The following ATXN1L variants were observed in gnomAD, a reference collection of about 807,000 sequenced individuals.
The protein encoded by ATXN1L is ataxin-1-like.
Under a neutral mutation model 43.4 loss-of-function variants are expected in ATXN1L, and 8 were observed. The observed-to-expected ratio is 0.18, with a 90% CI of 0.11 to 0.33. The LOEUF (loss-of-function observed/expected upper bound fraction) is 0.33. Ranked by LOEUF, ATXN1L falls within the 10% of genes least tolerant of loss-of-function variation. The pLI, the probability that ATXN1L is intolerant of heterozygous loss-of-function variation, is 1.00. For synonymous variants in ATXN1L, 379 were observed against 360.6 expected, an observed-to-expected ratio of 1.05 and a Z score of -0.58; for missense variants, 856 against 885.4, an observed-to-expected ratio of 0.97 and a Z score of 0.42.
chr16:71,850,724 G>A lies in ATXN1L; in HGVS notation c.984G>A (p.Arg328=). 1 of 1,551,674 alleles carries A rather than the reference G, an allele frequency of 6.4e-7. No individual in the cohort carries two copies. Among genetic ancestry groups the A allele is most frequent in the Non-Finnish European group, 8.7e-7 (1 of 1,146,988 alleles). ...TAGAGGTAGCAGCACCAGCACACCG[G>A]GGGACCCCGGACACTGACCTTGAGG... The part of the protein sequence containing the change: ...PRVEVAAPAH[R]GTPDTDLEVQ... Residue 328 remains arginine (R), a synonymous_variant, in exon 3 of 3, where the codon CGG becomes CGA. Transcript: ENST00000427980.
chr16:71,857,282 A>AATATCTAT lies in ATXN1L; in HGVS notation c.*5489_*5496dup, dbSNP rs528380363. The AATATCTAT allele has an allele frequency of 3.1e-5, 5 of 160,740 alleles. No homozygotes were observed. The highest frequency in any genetic ancestry group is 4.8e-5 in the African/African-American group (2 of 41,458). 10.0% of individuals were successfully genotyped at this position (160,740 alleles called of 1,614,324 possible). On this transcript the variant is annotated 3_prime_UTR_variant, in exon 3 of 3. Transcript: ENST00000427980. ...GGACTATGTAAACACAATATCTATC[A>AATATCTAT]ATATCTATATATCTATATATCTATC...
rs539567030 is a variant in ATXN1L at position 71,851,861 on chromosome 16, C to T, written c.*51C>T. On this transcript the variant is annotated 3_prime_UTR_variant, in exon 3 of 3. Coordinates refer to ENST00000427980, the MANE Select transcript of ATXN1L (RefSeq NM_001137675.4). This position sits in a 1 kb window ranked among gnomAD's most constrained non-coding sequence, Gnocchi z 4.9. The stretch of plus-strand genomic sequence containing the variant: ...GCTTTACCCCAGAGCCTCGCCTCGC[C>T]GCCGTGAGCAGGCAGAGGATTTGCA... 509 of 1,372,758 alleles carry T rather than the reference C, an allele frequency of 3.7e-4. No individual in the cohort carries two copies. In the South Asian group the frequency reaches 3.8e-3, roughly 10 times the overall value. 85.0% of individuals were successfully genotyped at this position (1,372,758 alleles called of 1,614,324 possible). A position where few individuals can be genotyped will look rare whatever the true frequency, so the allele number is the denominator to read the frequency against.
Position 71,854,498 on chromosome 16 carries a change from G to C in ATXN1L, c.*2688G>C, listed in dbSNP as rs1041599100. The C allele has an allele frequency of 2.4e-5, 4 of 167,018 alleles. No homozygotes were observed. Among genetic ancestry groups the C allele is most frequent in the African/African-American group, 9.7e-5 (4 of 41,430 alleles). 10.3% of individuals were successfully genotyped at this position (167,018 alleles called of 1,614,324 possible). On this transcript the variant is annotated 3_prime_UTR_variant, in exon 3 of 3. Coordinates refer to ENST00000427980, the MANE Select transcript of ATXN1L (RefSeq NM_001137675.4). ...TCATAAAATATGGTCCCCAGGAAAA[G>C]AATCTCTGTGCTCTAAATCTCGGTC... is the stretch of plus-strand genomic sequence containing the variant.
Position 71,850,397 on chromosome 16 carries a change from G to A in ATXN1L, c.657G>A (p.Pro219=), listed in dbSNP as rs1295527621. 5.8e-6 allele frequency: 9 copies of A among 1,551,632 alleles called. No individual in the cohort carries two copies. Among genetic ancestry groups the A allele is most frequent in the Admixed American group, 3.9e-5 (2 of 50,996 alleles). The stretch of plus-strand genomic sequence containing the variant: ...TGCCACATCATTCAAGTACTCAGCC[G>A]CTGGACCTTGCTCCAGGTCGGATGC... ...GQLPHHSSTQ[P]LDLAPGRMPI... is the part of the protein sequence containing the mutation. The change falls in exon 3 of 3, where the codon CCG becomes CCA. Residue 219 remains proline, a synonymous_variant. Coordinates refer to ENST00000427980, the MANE Select transcript of ATXN1L (RefSeq NM_001137675.4).
chr16:71,848,955 C>A (rs1597109920), intron 2 of ATXN1L, among the ~76,000 whole-genome samples: 2 of 152,096 alleles, frequency 1.3e-5, no homozygotes, highest in South Asian at 4.2e-4. Context: ...TGGCTCACAC[C>A]CGTAATCCCA....
Position 71,851,343 on chromosome 16 carries a change from G to A in ATXN1L, c.1603G>A (p.Val535Met). 6.4e-7 allele frequency: 1 copy of A among 1,551,696 alleles called. No homozygotes were observed. Among genetic ancestry groups the A allele is most frequent in the Non-Finnish European group, 8.7e-7 (1 of 1,146,988 alleles). The change falls in exon 3 of 3, where the codon GTG (valine) becomes ATG (methionine). Residue 535 changes from valine to methionine, a missense_variant. Val to Met is a conservative substitution (Grantham distance 21). Transcript: ENST00000427980. The surrounding 1 kb of genome is among the most constrained non-coding windows in gnomAD (Gnocchi z 4.9). ...HFVVGEQQSKVSIEVPPEHPF... is the reference protein window; with the variant it reads ...HFVVGEQQSKMSIEVPPEHPF... Reference sequence around the variant, plus strand: ...TGTGGTTGGTGAGCAGCAGAGCAAAGTGAGCATCGAAGTGCCCCCCGAGCA... The same window carrying A: ...TGTGGTTGGTGAGCAGCAGAGCAAAATGAGCATCGAAGTGCCCCCCGAGCA...
intron 2 of ATXN1L, 63 bp downstream of exon 2, chr16:71,848,134 C>T: frequency 4.4e-6 from 2 of 452,840 alleles, no homozygotes; most frequent in Non-Finnish European, 8.8e-6. Flanking sequence ...AGTGGAAAAA[C>T]AGAACAGAAT....
rs553586684 is a variant in ATXN1L, at chr16:71,849,723, G to A, written c.-18G>A. The A allele has an allele frequency of 5.2e-5, 76 of 1,474,492 alleles. No individual in the cohort carries two copies. In the African/African-American group the frequency reaches 9.0e-4, roughly 18 times the overall value. 91.3% of individuals were successfully genotyped at this position (1,474,492 alleles called of 1,614,324 possible). A position where few individuals can be genotyped will look rare whatever the true frequency, so the allele number is the denominator to read the frequency against. Reference sequence around the variant, plus strand: ...GCAAGTCGACTCCTTCCAGGCTCCAGGAACACCACAAAGCAATATGAAACC... The same window carrying A: ...GCAAGTCGACTCCTTCCAGGCTCCAAGAACACCACAAAGCAATATGAAACC... On this transcript the variant is annotated 5_prime_UTR_variant, in exon 3 of 3. Coordinates refer to ENST00000427980, the MANE Select transcript of ATXN1L (RefSeq NM_001137675.4).
In ATXN1L at chr16:71,847,584, A is replaced by G. The variant is rs1036570965; in HGVS notation, c.-179-426A>G. Among the ~76,000 whole-genome samples, 5 of 152,066 alleles carry G rather than the reference A, an allele frequency of 3.3e-5. No homozygotes were observed. In the South Asian group the frequency reaches 8.3e-4, roughly 25 times the overall value. ...TAAATAACTCCACATTTATGTTTTC[A>G]TAGGCCCAGAATAAAGGGGAAATCC... On this transcript the variant is annotated intron_variant, in intron 1 of 2. Coordinates refer to ENST00000427980, the MANE Select transcript of ATXN1L (RefSeq NM_001137675.4).
At position 71,856,374 on chromosome 16, in the gene ATXN1L, C is replaced by G. The variant is rs1366030399; in HGVS notation, c.*4564C>G. 6.0e-6 allele frequency: 1 copy of G among 167,116 alleles called. No homozygotes were observed. The allele number at this position is 167,116 out of a possible 1,614,324, so 10.4% of individuals were successfully genotyped here. ...GTGTGTGTGGCAGCAGCCCATGTGC[C>G]TTTACCTGTTGTCAAACTTGCAAGC... is the stretch of plus-strand genomic sequence containing the variant. On this transcript the variant is annotated 3_prime_UTR_variant, in exon 3 of 3. Coordinates refer to ENST00000427980, the MANE Select transcript of ATXN1L (RefSeq NM_001137675.4).
intron 1 of ATXN1L, among the ~76,000 whole-genome samples, chr16:71,846,429 C>G (rs1216272064): frequency 6.6e-6 from 1 of 152,230 alleles, no homozygotes; most frequent in African/African-American, 2.4e-5. Flanking sequence ...ACCCCCTACT[C>G]TCTAAACGCA....
Position 71,846,042 on chromosome 16 carries a change from G to GC in ATXN1L, c.-240dup, listed in dbSNP as rs2142319001. ...GGCTCCGGGGCCGGGGATGGCGGCG[G>GC]CCGCGGTTGCGGCGGCTCCGGGACG... is the stretch of plus-strand genomic sequence containing the variant. On this transcript the variant is annotated 5_prime_UTR_variant, in exon 1 of 3. An upstream open reading frame in the 5' UTR loses its in-frame stop. Transcript: ENST00000427980. The GC allele has an allele frequency of 5.3e-6, 1 of 189,592 alleles. No individual in the cohort carries two copies. The highest frequency in any genetic ancestry group is 7.1e-5 in the South Asian group (1 of 14,146). The allele number at this position is 189,592 out of a possible 1,614,324, so 11.7% of individuals were successfully genotyped here. A position where few individuals can be genotyped will look rare whatever the true frequency, so the allele number is the denominator to read the frequency against.
rs1406775920 is a variant in ATXN1L at position 71,853,074 on chromosome 16, CT to C, written c.*1265del. 1 of 167,180 alleles carries C rather than the reference CT, an allele frequency of 6.0e-6. No individual in the cohort carries two copies. Among genetic ancestry groups the C allele is most frequent in the Admixed American group, 6.5e-5 (1 of 15,286 alleles). The allele number at this position is 167,180 out of a possible 1,614,324, so 10.4% of individuals were successfully genotyped here. Reference sequence around the variant, plus strand: ...GCATTTTCACATGTCCCATATGCCCCTCCTGTCTTATTCCACTGCTTCTCCC... The same window carrying C: ...GCATTTTCACATGTCCCATATGCCCCCCTGTCTTATTCCACTGCTTCTCCC... On this transcript the variant is annotated 3_prime_UTR_variant, in exon 3 of 3. Transcript: ENST00000427980.
chr16:71,850,823 C>A lies in ATXN1L; in HGVS notation c.1083C>A (p.Ser361Arg). 4 of 1,551,686 alleles carry A rather than the reference C, an allele frequency of 2.6e-6. No homozygotes were observed. The highest frequency in any genetic ancestry group is 3.5e-6 in the Non-Finnish European group (4 of 1,146,992). The change falls in exon 3 of 3, where the codon AGC (serine) becomes AGA (arginine). Residue 361 changes from serine to arginine, a missense_variant. By Grantham distance (110) the Ser-to-Arg change is moderately radical. Coordinates refer to ENST00000427980, the MANE Select transcript of ATXN1L (RefSeq NM_001137675.4). ...CAGCTCAGAGGAAGGAGGAACCCAG[C>A]CCCCTCAACCTATCCCATCATACCC... is the stretch of plus-strand genomic sequence containing the variant. Reference protein sequence around the residue: ...VVAAQRKEEPSPLNLSHHTPD... With the variant: ...VVAAQRKEEPRPLNLSHHTPD...
chr16:71,849,750 G>T lies in ATXN1L; in HGVS notation c.10G>T (p.Val4Phe). 6.6e-7 allele frequency: 1 copy of T among 1,509,148 alleles called. No homozygotes were observed. Among genetic ancestry groups the T allele is most frequent in the Non-Finnish European group, 8.9e-7 (1 of 1,124,682 alleles). 93.5% of individuals were successfully genotyped at this position (1,509,148 alleles called of 1,614,324 possible). A position where few individuals can be genotyped will look rare whatever the true frequency, so the allele number is the denominator to read the frequency against. Reference protein sequence around the residue: MKPVHERSQECLPP... With the variant: MKPFHERSQECLPP... ...AACACCACAAAGCAATATGAAACCTGTTCATGAAAGGAGTCAGGAATGCCT... is the reference window on the plus strand; with the variant it reads ...AACACCACAAAGCAATATGAAACCTTTTCATGAAAGGAGTCAGGAATGCCT... The change falls in exon 3 of 3, where the codon GTT becomes TTT. Residue 4 changes from valine (V) to phenylalanine (F), a missense_variant. Val to Phe is a conservative substitution (Grantham distance 50). Coordinates refer to ENST00000427980, the MANE Select transcript of ATXN1L (RefSeq NM_001137675.4).
At position 71,854,089 on chromosome 16, in the gene ATXN1L, G is replaced by T. The variant is rs1245001271; in HGVS notation, c.*2279G>T. 6.0e-6 allele frequency: 1 copy of T among 167,064 alleles called. No individual in the cohort carries two copies. Among genetic ancestry groups the T allele is most frequent in the Non-Finnish European group, 1.5e-5 (1 of 68,144 alleles). 10.3% of individuals were successfully genotyped at this position (167,064 alleles called of 1,614,324 possible). A position where few individuals can be genotyped will look rare whatever the true frequency, so the allele number is the denominator to read the frequency against. On this transcript the variant is annotated 3_prime_UTR_variant, in exon 3 of 3. Coordinates refer to ENST00000427980, the MANE Select transcript of ATXN1L (RefSeq NM_001137675.4). ...CATTCCTAGAGTTCATTGTTTGCAT[G>T]GGTTTCTCACAAGCGTCCTTCCTCA... is the stretch of plus-strand genomic sequence containing the variant.
At position 71,851,737 on chromosome 16, in the gene ATXN1L, C is replaced by T. The variant is rs923535683; in HGVS notation, c.1997C>T (p.Ala666Val). The T allele has an allele frequency of 1.2e-5, 18 of 1,458,746 alleles. No homozygotes were observed. Among genetic ancestry groups the T allele is most frequent in the Admixed American group, 5.5e-5 (2 of 36,390 alleles). The allele number at this position is 1,458,746 out of a possible 1,614,324, so 90.4% of individuals were successfully genotyped here. A position where few individuals can be genotyped will look rare whatever the true frequency, so the allele number is the denominator to read the frequency against. Residue 666 changes from alanine (A) to valine (V), a missense_variant, in exon 3 of 3, where the codon GCG becomes GTG. By Grantham distance (64) the Ala-to-Val change is moderately conservative. This residue lies in a region of ATXN1L where 185 missense variants were observed against 176.8 expected (regional missense o/e 1.05). Transcript: ENST00000427980. This position sits in a 1 kb window ranked among gnomAD's most constrained non-coding sequence, Gnocchi z 4.9. ...ATGCAAGGGGAGGAGGCACGGGCTG[C>T]GCTGCTCCGTCCCTCTTTCATTCCA... The part of the protein sequence containing the change: ...YSMQGEEARA[A>V]LLRPSFIPQE...
chr16:71,846,052 C>T lies in ATXN1L; in HGVS notation c.-232C>T. ...CCGGGGATGGCGGCGGCCGCGGTTGCGGCGGCTCCGGGACGAGTGAGTGGA... is the reference window on the plus strand; with the variant it reads ...CCGGGGATGGCGGCGGCCGCGGTTGTGGCGGCTCCGGGACGAGTGAGTGGA... On this transcript the variant is annotated 5_prime_UTR_variant, in exon 1 of 3. Transcript: ENST00000427980. 1.1e-5 allele frequency: 2 copies of T among 189,226 alleles called. No homozygotes were observed. Among genetic ancestry groups the T allele is most frequent in the Non-Finnish European group, 1.1e-5 (1 of 89,364 alleles). The allele number at this position is 189,226 out of a possible 1,614,324, so 11.7% of individuals were successfully genotyped here. A position where few individuals can be genotyped will look rare whatever the true frequency, so the allele number is the denominator to read the frequency against.
At position 71,850,982 on chromosome 16, in the gene ATXN1L, T is replaced by A. The variant is rs749553627; in HGVS notation, c.1242T>A (p.Val414=). The A allele has an allele frequency of 6.4e-7, 1 of 1,551,698 alleles. No individual in the cohort carries two copies. Among genetic ancestry groups the A allele is most frequent in the South Asian group, 1.2e-5 (1 of 84,050 alleles). Residue 414 remains valine (V), a synonymous_variant, in exon 3 of 3, where the codon GTT becomes GTA. Transcript: ENST00000427980. ...ATAGACCTTTACCCAAAGCAATGGT[T>A]GTAGCCAATGGCAACCTGGTGCCCA... The part of the protein sequence containing the change: ...VKHRPLPKAM[V]VANGNLVPTG...
Sources: allele counts gnomAD v4.1 joint callset (sites outside exome capture counted in the v4.1 genomes callset), GRCh38; gene constraint gnomAD v4.1.1; regional missense constraint gnomAD v4.1.1; non-coding constraint Gnocchi (gnomAD v3.1); transcripts MANE v1.5; gene names NCBI Gene and HGNC (gene_info 2026-07-23, HGNC 2026-07-21).